CNTRL: variants seen among roughly 807,000 people sequenced by gnomAD.
The protein encoded by CNTRL is 110 kDa centrosomal protein.
A neutral mutation model predicts 303.7 loss-of-function variants in CNTRL; 233 were observed. The observed-to-expected ratio is 0.77, with a 90% CI of 0.69 to 0.86. The LOEUF (loss-of-function observed/expected upper bound fraction) is 0.86. CNTRL is among the 40% of genes least tolerant of loss of function. The pLI is 0.00. For synonymous variants in CNTRL, 900 were observed against 922.2 expected (o/e 0.98, Z 0.44); for missense variants, 2,524 against 2,650.6 (o/e 0.95, Z 1.05).
At chr9:121,118,604 A>T in intron 12 of CNTRL, 64 bp downstream of exon 12, 1 of 1,323,888 alleles carries the variant, frequency 7.6e-7, no homozygotes, top group Non-Finnish European at 1.0e-6. Context: ...CATTGTTAGC[A>T]TCAGAGTCCA....
intron 36 of CNTRL, among the ~76,000 whole-genome samples, chr9:121,166,615 G>T (rs899863714): frequency 2.0e-5 from 3 of 152,096 alleles, no homozygotes; most frequent in Admixed American, 6.5e-5. Context: ...GCAGATTTTT[G>T]ACCCTCATAC....
At chr9:121,166,570 A>T (rs773284133) in intron 36 of CNTRL, among the ~76,000 whole-genome samples, 2 of 152,178 alleles carry the variant, frequency 1.3e-5, no homozygotes, top group African/African-American at 2.4e-5. Context: ...GTACCCGCCA[A>T]ATCTGGGCCT....
At chr9:121,132,330 C>T (rs1446382501) in intron 14 of CNTRL, among the ~76,000 whole-genome samples, 1 of 152,124 alleles carries the variant, frequency 6.6e-6, no homozygotes, top group African/African-American at 2.4e-5. Context: ...TTGTTCATTT[C>T]TTTTTACTCT....
intron 7 of CNTRL, among the ~76,000 whole-genome samples, chr9:121,103,182 T>G (rs550052691): frequency 6.6e-6 from 1 of 152,210 alleles, no homozygotes; most frequent in African/African-American, 2.4e-5. Context: ...AACAGCATGG[T>G]ACTGGTACCA....
chr9:121,136,032 GAT>G, intron 15 of CNTRL, 50 bp downstream of exon 15: 1 of 1,404,954 alleles, frequency 7.1e-7, no homozygotes, highest in East Asian at 2.3e-5. Flanking sequence ...TGTGCCTTAA[GAT>G]ATCATCCTTC....
intron 36 of CNTRL, among the ~76,000 whole-genome samples, chr9:121,167,027 A>AC (rs1286106457): frequency 6.6e-6 from 1 of 151,226 alleles, no homozygotes; most frequent in Non-Finnish European, 1.5e-5. Context: ...GTCTCAAAAA[A>AC]AAAAAAAGTT....
chr9:121,122,450 T>C, intron 12 of CNTRL: 1 of 944,716 alleles, frequency 1.1e-6, no homozygotes, highest in Non-Finnish European at 1.3e-6. Context: ...TAAAATTGAG[T>C]AATATTCTTT....
chr9:121,150,836 C>G (rs1192882550), intron 25 of CNTRL, among the ~76,000 whole-genome samples: 3 of 152,178 alleles, frequency 2.0e-5, no homozygotes, highest in Non-Finnish European at 4.4e-5. Flanking sequence ...CATTTAATAA[C>G]AAATGTTTTC....
intron 14 of CNTRL, among the ~76,000 whole-genome samples, chr9:121,133,125 G>A (rs955261789): frequency 2.0e-5 from 3 of 152,220 alleles, no homozygotes; most frequent in African/African-American, 4.8e-5. Context: ...CAGTCTGTCC[G>A]TTCTCTGAGC....
Position 121,136,088 on chromosome 9 carries a change from A to G in CNTRL, c.2202+106A>G, listed in dbSNP as rs768990423. On this transcript the variant is annotated intron_variant, in intron 15 of 43. Coordinates refer to ENST00000373855, the MANE Select transcript of CNTRL (RefSeq NM_007018.6). The stretch of plus-strand genomic sequence containing the variant: ...TTAAAATTAAGCGTTTTTTCATACA[A>G]TATATATGGAGTGATGGGAAAGGCA... 77 of 1,056,882 alleles carry G rather than the reference A, an allele frequency of 7.3e-5. No homozygotes were observed. The African/African-American group carries it at 8.4e-4, about 11-fold the overall frequency. The allele number at this position is 1,056,882 out of a possible 1,614,324, so 65.5% of individuals were successfully genotyped here. A position where few individuals can be genotyped will look rare whatever the true frequency, so the allele number is the denominator to read the frequency against.
intron 15 of CNTRL, among the ~76,000 whole-genome samples, chr9:121,137,410 G>A (rs1484080771): frequency 6.6e-6 from 1 of 152,130 alleles, no homozygotes; most frequent in Non-Finnish European, 1.5e-5. Context: ...GTATCTGTTT[G>A]TTTCTGCTTT....
intron 14 of CNTRL, among the ~76,000 whole-genome samples, chr9:121,129,214 C>T (rs561891865): frequency 6.0e-4 from 92 of 152,292 alleles, no homozygotes; most frequent in African/African-American, 2.1e-3. Flanking sequence ...GGCATTGAAT[C>T]TATAAATTAC....
chr9:121,157,586 T>C lies in CNTRL; in HGVS notation c.4482T>C (p.Ala1494=), dbSNP rs756871162. ...AQETAVNLVK[A]DQQLRSLQAD... ...AAACTGCTGTTAACCTCGTCAAAGC[T>C]GATCAGCAGCTAAGGTAGGTGGATT... Residue 1494 remains alanine, a synonymous_variant, in exon 28 of 44, where the codon GCT becomes GCC. Coordinates refer to ENST00000373855, the MANE Select transcript of CNTRL (RefSeq NM_007018.6). 7 of 1,613,942 alleles carry C rather than the reference T, an allele frequency of 4.3e-6. No individual in the cohort carries two copies. Among genetic ancestry groups the C allele is most frequent in the Non-Finnish European group, 5.9e-6 (7 of 1,179,922 alleles).
At chr9:121,151,382 T>TTA (rs2134239931) in intron 25 of CNTRL, among the ~76,000 whole-genome samples, 1 of 112,864 alleles carries the variant, frequency 8.9e-6, no homozygotes, top group Non-Finnish European at 1.9e-5. Flanking sequence ...TTCTTTTTTC[T>TTA]TCTTCTTTTT....
In CNTRL at chr9:121,157,578, G is replaced by A. The variant is rs753646030; in HGVS notation, c.4474G>A (p.Val1492Ile). 14 of 1,613,938 alleles carry A rather than the reference G, an allele frequency of 8.7e-6. No homozygotes were observed. The highest frequency in any genetic ancestry group is 2.2e-5 in the East Asian group (1 of 44,890). The change falls in exon 28 of 44, where the codon GTC (valine) becomes ATC (isoleucine). Residue 1492 changes from valine (V) to isoleucine (I), a missense_variant. Physicochemically the swap from Val to Ile is conservative, Grantham distance 29. Coordinates refer to ENST00000373855, the MANE Select transcript of CNTRL (RefSeq NM_007018.6). Reference protein sequence around the residue: ...RRAQETAVNLVKADQQLRSLQ... With the variant: ...RRAQETAVNLIKADQQLRSLQ... ...AGCTCAGGAAACTGCTGTTAACCTC[G>A]TCAAAGCTGATCAGCAGCTAAGGTA...
rs2051734067 is a variant in CNTRL, at chr9:121,144,729, A to C, written c.3052-114A>C. ...AGGTGGGGCTTGGATGTCCCTTTTC[A>C]TGGACAGCCTGGTAGGCAATGTGAT... On this transcript the variant is annotated intron_variant, in intron 20 of 43. Coordinates refer to ENST00000373855, the MANE Select transcript of CNTRL (RefSeq NM_007018.6). 5.8e-6 allele frequency: 5 copies of C among 855,340 alleles called. No homozygotes were observed. In the East Asian group the frequency reaches 1.2e-4, roughly 21 times the overall value. The allele number at this position is 855,340 out of a possible 1,614,324, so 53.0% of individuals were successfully genotyped here. A position where few individuals can be genotyped will look rare whatever the true frequency, so the allele number is the denominator to read the frequency against.
At chr9:121,140,348 A>G (rs2051431400) in intron 16 of CNTRL, among the ~76,000 whole-genome samples, 1 of 152,214 alleles carries the variant, frequency 6.6e-6, no homozygotes, top group South Asian at 2.1e-4. Flanking sequence ...AGATAGTACT[A>G]CAGAAAGGGC....
At chr9:121,123,893 G>A in intron 12 of CNTRL, 38 bp from the exon 13 acceptor site, 1 of 1,509,936 alleles carries the variant, frequency 6.6e-7, no homozygotes, top group Non-Finnish European at 8.8e-7. Context: ...AGGAGTTTAA[G>A]GAACTTGGAG....
chr9:121,142,270 G>T lies in CNTRL; in HGVS notation c.2871G>T (p.Lys957Asn). The T allele has an allele frequency of 6.3e-7, 1 of 1,593,016 alleles. No individual in the cohort carries two copies. Among genetic ancestry groups the T allele is most frequent in the South Asian group, 1.1e-5 (1 of 87,088 alleles). Residue 957 changes from lysine to asparagine, a missense_variant and splice_region_variant, in exon 19 of 44, where the codon AAG becomes AAT. Physicochemically the swap from Lys to Asn is moderately conservative, Grantham distance 94. Transcript: ENST00000373855. ...ILAQLRELEK[K>N]KKLEDAKSQE... Reference sequence around the variant, plus strand: ...CCCAACTCCGAGAGTTAGAGAAAAAGGTAGGGGAGACTTAGAAAATGAGAC... The same window carrying T: ...CCCAACTCCGAGAGTTAGAGAAAAATGTAGGGGAGACTTAGAAAATGAGAC...
Sources: allele counts gnomAD v4.1 joint callset (sites outside exome capture counted in the v4.1 genomes callset), GRCh38; gene constraint gnomAD v4.1.1; transcripts MANE v1.5; gene names NCBI Gene and HGNC (gene_info 2026-07-23, HGNC 2026-07-21).